MAP1S: variants seen among roughly 807,000 people sequenced by gnomAD.
The protein encoded by MAP1S is microtubule-associated protein 1S.
In MAP1S, 27 loss-of-function variants were observed where a neutral mutation model predicts 60.9. The ratio of observed to expected loss-of-function variants is 0.44; its 90% CI spans 0.33 to 0.61. The LOEUF (loss-of-function observed/expected upper bound fraction) is 0.61. Among genes scored for constraint, MAP1S ranks in the 20% least tolerant of loss-of-function variants. The pLI, the probability that MAP1S is intolerant of heterozygous loss-of-function variation, is 0.03. For synonymous variants in MAP1S, 826 were observed against 694.2 expected (o/e 1.19, Z -2.98); for missense variants, 1,608 against 1,486.6 (o/e 1.08, Z -1.34).
At chr19:17,729,239 CAG>C (rs1442427378) in intron 5 of MAP1S, among the ~76,000 whole-genome samples, 1 of 152,176 alleles carries the variant, frequency 6.6e-6, no homozygotes, top group African/African-American at 2.4e-5. Flanking sequence ...CAAGTTGTAA[CAG>C]TGTGTCCCTC....
At position 17,728,190 on chromosome 19, in the gene MAP1S, G is replaced by A. The variant is rs959043489; in HGVS notation, c.2788+18G>A. ...CCCGTCGGGTGAGTACTGGAGCTGG[G>A]GCCCTGGGCTGGGTTAGCAGCTGCT... On this transcript the variant is annotated intron_variant, in intron 5 of 6. Transcript: ENST00000324096. The A allele has an allele frequency of 2.4e-5, 37 of 1,548,206 alleles. No individual in the cohort carries two copies. Among genetic ancestry groups the A allele is most frequent in the Non-Finnish European group, 2.9e-5 (33 of 1,145,822 alleles).
At position 17,727,045 on chromosome 19, in the gene MAP1S, C is replaced by T. The variant is rs746545698; in HGVS notation, c.1661C>T (p.Thr554Met). The T allele has an allele frequency of 1.4e-5, 22 of 1,605,684 alleles. No homozygotes were observed. The Admixed American group carries it at 2.0e-4, about 15-fold the overall frequency. ...TCTTCTGTGCCCAACCTCAAGAAGACGAATGCCCAGGCGGCACCCAAGCCC... is the reference window on the plus strand; with the variant it reads ...TCTTCTGTGCCCAACCTCAAGAAGATGAATGCCCAGGCGGCACCCAAGCCC... ...AASSVPNLKK[T>M]NAQAAPKPRK... Residue 554 changes from threonine to methionine, a missense_variant, in exon 5 of 7, where the codon ACG (threonine) becomes ATG (methionine). This residue lies in a region of MAP1S where 1,167 missense variants were observed against 961.4 expected (regional missense o/e 1.21). Transcript: ENST00000324096. This position sits in a 1 kb window ranked among gnomAD's most constrained non-coding sequence, Gnocchi z 4.1.
intron 5 of MAP1S, among the ~76,000 whole-genome samples, chr19:17,729,360 G>A (rs2080472944): frequency 6.6e-6 from 1 of 152,188 alleles, no homozygotes; most frequent in South Asian, 2.1e-4. Context: ...GAAATCAGGT[G>A]TGTGGTCCAG....
chr19:17,720,052 TG>T (rs1328810111), intron 1 of MAP1S: 1 of 991,586 alleles, frequency 1.0e-6, no homozygotes, highest in Non-Finnish European at 1.2e-6. Flanking sequence ...TGGGGGAGGC[TG>T]GGCCTGGAGC....
chr19:17,724,169 G>A lies in MAP1S; in HGVS notation c.264G>A (p.Leu88=), dbSNP rs2080396449. 6.2e-7 allele frequency: 1 copy of A among 1,613,826 alleles called. No homozygotes were observed. Among genetic ancestry groups the A allele is most frequent in the Non-Finnish European group, 8.5e-7 (1 of 1,179,968 alleles). Residue 88 remains leucine, a synonymous_variant, in exon 3 of 7, where the codon CTG becomes CTA. Coordinates refer to ENST00000324096, the MANE Select transcript of MAP1S (RefSeq NM_018174.6). ...ACCGTGGAGACAACCTGGAGACCCT[G>A]GTCCTCCTGAACCCATCAGACAAGT... is the stretch of plus-strand genomic sequence containing the variant. ...LHHRGDNLET[L]VLLNPSDKSL... is the part of the protein sequence containing the mutation.
Position 17,720,405 on chromosome 19 carries a change from A to G in MAP1S, c.119-531A>G, listed in dbSNP as rs909261322. 4.3e-5 allele frequency: 66 copies of G among 1,534,958 alleles called. No homozygotes were observed. The African/African-American group carries it at 4.9e-4, about 11-fold the overall frequency. On this transcript the variant is annotated intron_variant, in intron 1 of 6. Transcript: ENST00000324096. ...GACACAGGGATATGGCCGGGATGAT[A>G]GACAGGTTCAGCCCTGCCAACACAG...
At chr19:17,729,229 C>T (rs1599465259) in intron 5 of MAP1S, among the ~76,000 whole-genome samples, 1 of 152,274 alleles carries the variant, frequency 6.6e-6, no homozygotes, top group East Asian at 1.9e-4. Flanking sequence ...TCTCCAGTAG[C>T]AAGTTGTAAC....
chr19:17,723,717 G>T (rs1237857289), intron 2 of MAP1S, among the ~76,000 whole-genome samples: 4 of 152,116 alleles, frequency 2.6e-5, no homozygotes, highest in African/African-American at 9.7e-5. Context: ...GGGTGTGGTG[G>T]CGGGCACCTG....
intron 6 of MAP1S, 127 bp from the exon 7 acceptor site, chr19:17,734,146 C>A: frequency 1.3e-6 from 1 of 745,566 alleles, no homozygotes; most frequent in Non-Finnish European, 2.2e-6. Flanking sequence ...CACACAAGAT[C>A]AGGGAAAAGC....
chr19:17,719,644 G>A, intron 1 of MAP1S, 24 bp downstream of exon 1: 3 of 1,197,562 alleles, frequency 2.5e-6, no homozygotes, highest in East Asian at 3.4e-5. Context: ...GGGGGCCCGC[G>A]GGAGCCCGGG....
chr19:17,731,936 G>A (rs2080496984), intron 5 of MAP1S, among the ~76,000 whole-genome samples: 1 of 152,236 alleles, frequency 6.6e-6, no homozygotes, highest in Admixed American at 6.5e-5. Flanking sequence ...CAAAGTGCTG[G>A]GATTACAGGC....
At position 17,734,255 on chromosome 19, in the gene MAP1S, C is replaced by G. The variant is rs145659666; in HGVS notation, c.3025-18C>G. The G allele has an allele frequency of 1.9e-6, 3 of 1,588,522 alleles. No individual in the cohort carries two copies. The highest frequency in any genetic ancestry group is 4.5e-5 in the East Asian group (2 of 44,074). On this transcript the variant is annotated intron_variant, in intron 6 of 6. Coordinates refer to ENST00000324096, the MANE Select transcript of MAP1S (RefSeq NM_018174.6). ...ACTGGTGGTCCACTCTCCCCACACA[C>G]CCCCCCTCCACCTGCAGGTGACCCT...
At position 17,727,168 on chromosome 19, in the gene MAP1S, G is replaced by T. The variant is rs772950344; in HGVS notation, c.1784G>T (p.Ser595Ile). 2 of 1,586,502 alleles carry T rather than the reference G, an allele frequency of 1.3e-6. No individual in the cohort carries two copies. Among genetic ancestry groups the T allele is most frequent in the Non-Finnish European group, 1.7e-6 (2 of 1,169,750 alleles). ...SLRCGEASPPSAACGSPASQL... is the reference protein window; with the variant it reads ...SLRCGEASPPIAACGSPASQL... ...CGATGTGGAGAAGCCAGCCCCCCCA[G>T]TGCAGCCTGCGGCTCTCCGGCCTCC... Residue 595 changes from serine (S) to isoleucine (I), a missense_variant, in exon 5 of 7, where the codon AGT becomes ATT. Physicochemically the swap from Ser to Ile is moderately radical, Grantham distance 142. Around this residue, in one of 4 missense-constraint regions of MAP1S, gnomAD observed 1,167 missense variants for 961.4 expected, o/e 1.21. Coordinates refer to ENST00000324096, the MANE Select transcript of MAP1S (RefSeq NM_018174.6). The surrounding 1 kb of genome is among the most constrained non-coding windows in gnomAD (Gnocchi z 4.1).
intron 1 of MAP1S, 43 bp downstream of exon 1, chr19:17,719,663 C>G: frequency 4.5e-6 from 5 of 1,120,646 alleles, no homozygotes; most frequent in Non-Finnish European, 5.6e-6. Context: ...GGAGGCGGGC[C>G]CGTTCGCGCG....
rs867523619 is a variant in MAP1S, at chr19:17,726,539, C to T, written c.1155C>T (p.Phe385=). 11 of 1,571,744 alleles carry T rather than the reference C, an allele frequency of 7.0e-6. No homozygotes were observed. Among genetic ancestry groups the T allele is most frequent in the Non-Finnish European group, 7.7e-6 (9 of 1,163,442 alleles). The change falls in exon 5 of 7, where the codon TTC becomes TTT. Residue 385 remains phenylalanine, a synonymous_variant. Transcript: ENST00000324096. ...TGCCAGCCAAACCCACCGTGCTCTTCGAGAAGATGGGCGTGGGCCGGCTGG... is the reference window on the plus strand; with the variant it reads ...TGCCAGCCAAACCCACCGTGCTCTTTGAGAAGATGGGCGTGGGCCGGCTGG... The part of the protein sequence containing the change: ...GPVPAKPTVL[F]EKMGVGRLDM...
chr19:17,719,524 G>T lies in MAP1S; in HGVS notation c.22G>T (p.Gly8Trp). 1 of 1,245,938 alleles carries T rather than the reference G, an allele frequency of 8.0e-7. No individual in the cohort carries two copies. Among genetic ancestry groups the T allele is most frequent in the Non-Finnish European group, 1.0e-6 (1 of 987,638 alleles). 77.2% of individuals were successfully genotyped at this position (1,245,938 alleles called of 1,614,324 possible). A position where few individuals can be genotyped will look rare whatever the true frequency, so the allele number is the denominator to read the frequency against. Residue 8 changes from glycine to tryptophan, a missense_variant, in exon 1 of 7, where the codon GGG becomes TGG. This residue lies in a region of MAP1S where 45 missense variants were observed against 22.0 expected (regional missense o/e 2.04). Coordinates refer to ENST00000324096, the MANE Select transcript of MAP1S (RefSeq NM_018174.6). MAAVAGS[G>W]AAAAPSSLLL... ...GAAGATGGCGGCGGTGGCTGGATCT[G>T]GGGCTGCCGCGGCTCCGAGCTCACT...
chr19:17,722,696 C>G (rs1223055728), intron 2 of MAP1S, among the ~76,000 whole-genome samples: 1 of 138,180 alleles, frequency 7.2e-6, no homozygotes, highest in Non-Finnish European at 1.5e-5. Flanking sequence ...TTGCAGTGAG[C>G]TGAGATCGTG....
At chr19:17,724,292 A>G in intron 3 of MAP1S, 84 bp downstream of exon 3, 1 of 1,113,060 alleles carries the variant, frequency 9.0e-7, no homozygotes, top group South Asian at 1.3e-5. Flanking sequence ...CCTTGTCTTC[A>G]TGCTGCCCCA....
rs753541109 is a variant in MAP1S at position 17,727,872 on chromosome 19, G to A, written c.2488G>A (p.Val830Ile). Residue 830 changes from valine (V) to isoleucine (I), a missense_variant, in exon 5 of 7, where the codon GTC becomes ATC. Val to Ile is a conservative substitution (Grantham distance 29). This residue lies in a region of MAP1S where 1,167 missense variants were observed against 961.4 expected (regional missense o/e 1.21). Transcript: ENST00000324096. This position sits in a 1 kb window ranked among gnomAD's most constrained non-coding sequence, Gnocchi z 4.1. ...CGACCCTTTGCCTGACCCCCTCAAG[G>A]TCCCCCCACCACTGCCTGACCCATC... ...RHDPLPDPLKVPPPLPDPSSI... is the reference protein window; with the variant it reads ...RHDPLPDPLKIPPPLPDPSSI... The A allele has an allele frequency of 1.9e-6, 3 of 1,612,828 alleles. No homozygotes were observed. The highest frequency in any genetic ancestry group is 2.5e-6 in the Non-Finnish European group (3 of 1,179,636).
Sources: gnomAD v4.1 joint callset for allele counts (sites outside exome capture counted in the v4.1 genomes callset) on GRCh38, gnomAD v4.1.1 for gene constraint, gnomAD v4.1.1 regional missense constraint, Gnocchi (gnomAD v3.1) non-coding constraint, MANE v1.5 for transcripts, NCBI Gene and HGNC (gene_info 2026-07-23, HGNC 2026-07-21) for gene names.